HYDIN: variants seen among roughly 807,000 people sequenced by gnomAD.
The protein encoded by HYDIN is axonemal central pair apparatus protein HYDIN.
A neutral mutation model predicts 403.9 loss-of-function variants in HYDIN; 132 were observed. The ratio of observed to expected loss-of-function variants is 0.33; its 90% CI spans 0.28 to 0.38. The LOEUF is 0.38. Among genes scored for constraint, HYDIN ranks in the 10% least tolerant of loss-of-function variants. The pLI, the probability that HYDIN is intolerant of heterozygous loss-of-function variation, is 1.00. For synonymous variants in HYDIN, 1,202 were observed against 1,891.7 expected, an observed-to-expected ratio of 0.64 and a Z score of 9.46; for missense variants, 2,827 against 5,009.5, an observed-to-expected ratio of 0.56 and a Z score of 13.15.
intron 13 of HYDIN, among the ~76,000 whole-genome samples, chr16:71,073,267 C>CT (rs1448563330): frequency 6.6e-6 from 1 of 152,070 alleles, no homozygotes; most frequent in Admixed American, 6.6e-5. Context: ...CTCCTTGTTT[C>CT]TTATCTTAAG....
chr16:71,064,499 C>A (rs145763712), intron 16 of HYDIN, among the ~76,000 whole-genome samples: 5 of 152,134 alleles, frequency 3.3e-5, no homozygotes, highest in Admixed American at 6.5e-5. Flanking sequence ...AAATTAACAA[C>A]GATTTACACC....
chr16:70,859,126 A>C (rs530548074), intron 71 of HYDIN, among the ~76,000 whole-genome samples: 25 of 151,336 alleles, frequency 1.7e-4, no homozygotes, highest in South Asian at 1.1e-3. Context: ...ACGGTGAAAC[A>C]CTGTCTCTAC....
At chr16:70,985,535 TGGCTGTGG>T (rs1261581704) in intron 27 of HYDIN, among the ~76,000 whole-genome samples, 1 of 152,190 alleles carries the variant, frequency 6.6e-6, no homozygotes, top group Non-Finnish European at 1.5e-5. Flanking sequence ...AGTTTAGGTA[TGGCTGTGG>T]GGCTGAGCAT....
intron 21 of HYDIN, among the ~76,000 whole-genome samples, chr16:71,022,954 T>G (rs1227589012): frequency 6.6e-6 from 1 of 151,810 alleles, no homozygotes; most frequent in Non-Finnish European, 1.5e-5. Flanking sequence ...CACATTTTTA[T>G]TAGTGTTTAT....
chr16:70,899,671 TAAGAAAGTA>T (rs1258753558), intron 53 of HYDIN, among the ~76,000 whole-genome samples: 3 of 152,216 alleles, frequency 2.0e-5, no homozygotes, highest in African/African-American at 4.8e-5. Flanking sequence ...GCAGTTCATA[TAAGAAAGTA>T]AAGAAAGAAG....
At chr16:70,981,268 C>T (rs1798539) in intron 29 of HYDIN, 123 bp downstream of exon 29, 24 of 1,398,056 alleles carry the variant, frequency 1.7e-5, no homozygotes, top group African/African-American at 1.6e-4. Flanking sequence ...TGCAGAATAA[C>T]GTGGAAGAGA....
At chr16:71,149,758 G>C (rs1321107155) in intron 7 of HYDIN, among the ~76,000 whole-genome samples, 1 of 152,162 alleles carries the variant, frequency 6.6e-6, no homozygotes, top group Non-Finnish European at 1.5e-5. Flanking sequence ...AAACTCCTGA[G>C]CTCAAGCAAT....
intron 7 of HYDIN, among the ~76,000 whole-genome samples, chr16:71,141,442 C>T (rs1301825505): frequency 6.6e-6 from 1 of 151,792 alleles, no homozygotes; most frequent in East Asian, 1.9e-4. Context: ...AAATCCAGAT[C>T]CCTCTAAAAA....
chr16:71,023,753 GCT>G (rs1383143937), intron 21 of HYDIN, among the ~76,000 whole-genome samples: 2 of 142,860 alleles, frequency 1.4e-5, no homozygotes, highest in Non-Finnish European at 3.0e-5. Context: ...TGGACCACAA[GCT>G]CTTTTTTTCA....
chr16:71,026,543 T>A (rs912629056), intron 20 of HYDIN, among the ~76,000 whole-genome samples: 1 of 152,006 alleles, frequency 6.6e-6, no homozygotes, highest in African/African-American at 2.4e-5. Context: ...TGTCTTGAGA[T>A]AAGGGCCTGT....
At position 71,194,209 on chromosome 16, in the gene HYDIN, G is replaced by A. The variant is rs1375847082; in HGVS notation, c.-23-7291C>T. ...AGGTAGATCACAAGGTCAGGAGATC[G>A]AGACCATTGTGGCAAATGTGGTTAA... is the stretch of plus-strand genomic sequence containing the variant. On this transcript the variant is annotated intron_variant, in intron 1 of 85. Coordinates refer to ENST00000393567, the MANE Select transcript of HYDIN (RefSeq NM_001270974.2). Among the ~76,000 whole-genome samples the A allele has an allele frequency of 3.9e-5, 6 of 152,108 alleles. No individual in the cohort carries two copies. In the East Asian group the frequency reaches 9.6e-4, roughly 24 times the overall value.
intron 2 of HYDIN, among the ~76,000 whole-genome samples, chr16:71,186,247 T>C (rs1162328931): frequency 6.6e-6 from 1 of 152,164 alleles, no homozygotes; most frequent in Non-Finnish European, 1.5e-5. Context: ...TCATAAATTA[T>C]CACCAATCAT....
At chr16:70,901,584 CTTTTTTT>C (rs77192535) in intron 52 of HYDIN, among the ~76,000 whole-genome samples, 1 of 123,326 alleles carries the variant, frequency 8.1e-6, no homozygotes, top group Non-Finnish European at 1.7e-5. Flanking sequence ...TATTTTCTTT[CTTTTTTT>C]TTTTTTTTTT....
intron 1 of HYDIN, among the ~76,000 whole-genome samples, chr16:71,214,836 C>T (rs2088793792): frequency 1.3e-5 from 2 of 152,140 alleles, no homozygotes; most frequent in African/African-American, 4.8e-5. Context: ...ATTTCCTTCC[C>T]TGCCTCATTC....
In HYDIN at chr16:70,884,117, A is replaced by G; in HGVS notation, c.9782T>C (p.Phe3261Ser). The change falls in exon 59 of 86, where the codon TTC (phenylalanine) becomes TCC (serine). Residue 3261 changes from phenylalanine (F) to serine (S), a missense_variant. Phe to Ser is a radical substitution (Grantham distance 155). Transcript: ENST00000393567. ...GTACACGGTGAACATGCCATGGGCG[A>G]AGCGGGCCTGCAGGACAAGGGTGGG... ...KEVTTTGQAR[F>S]AHGMFTVYPG... 1 of 1,584,524 alleles carries G rather than the reference A, an allele frequency of 6.3e-7. No homozygotes were observed. Among genetic ancestry groups the G allele is most frequent in the Non-Finnish European group, 8.6e-7 (1 of 1,166,032 alleles).
chr16:70,810,256 T>G (rs2143423975), intron 84 of HYDIN, among the ~76,000 whole-genome samples: 1 of 152,256 alleles, frequency 6.6e-6, no homozygotes, highest in Non-Finnish European at 1.5e-5. Context: ...CTGGACTGTC[T>G]CCTGAGAAGC....
rs111742117 is a variant in HYDIN, at chr16:70,982,106, C to T, written c.4333-538G>A. 5.6e-3 allele frequency among the ~76,000 whole-genome samples: 757 copies of T among 135,588 alleles called. 7 individuals carry two copies. The highest frequency in any genetic ancestry group is 0.02 in the African/African-American group (724 of 35,550). 89.0% of individuals were successfully genotyped at this position (135,588 alleles called of 152,430 possible). A position where few individuals can be genotyped will look rare whatever the true frequency, so the allele number is the denominator to read the frequency against. ...TCGCGCCACTGCACTCCAACCTGAG[C>T]GACAGAGCAAGACTCCGTCTCCAAA... On this transcript the variant is annotated intron_variant, in intron 28 of 85. Transcript: ENST00000393567.
chr16:70,892,385 C>A lies in HYDIN; in HGVS notation c.9393G>T (p.Glu3131Asp), dbSNP rs1437674685. The change falls in exon 56 of 86, where the codon GAG (glutamate) becomes GAT (aspartate). Residue 3131 changes from glutamate to aspartate, a missense_variant. By Grantham distance (45) the Glu-to-Asp change is conservative. Transcript: ENST00000393567. ...FFHAKKEVKI[E>D]HQPVLRCQII... ...CCTGACAGCGCAGAACAGGCTGGTG[C>A]TCAATCTTCACTTCCTTTTTTGCAT... 1 of 1,568,718 alleles carries A rather than the reference C, an allele frequency of 6.4e-7. No individual in the cohort carries two copies. Among genetic ancestry groups the A allele is most frequent in the African/African-American group, 1.4e-5 (1 of 73,362 alleles).
At chr16:70,930,661 G>C (rs1385660538) in intron 45 of HYDIN, among the ~76,000 whole-genome samples, 3 of 152,136 alleles carry the variant, frequency 2.0e-5, no homozygotes, top group Admixed American at 6.6e-5. Flanking sequence ...GCTGACTCTT[G>C]AACTATGTGT....
Sources: allele counts gnomAD v4.1 joint callset (sites outside exome capture counted in the v4.1 genomes callset), GRCh38; gene constraint gnomAD v4.1.1; transcripts MANE v1.5; gene names NCBI Gene and HGNC (gene_info 2026-07-23, HGNC 2026-07-21).